B4GALT5: variants seen among roughly 807,000 people sequenced by gnomAD.
B4GALT5 encodes UDP-Gal:beta-GlcNAc beta-1,4-galactosyltransferase 5.
Under a neutral mutation model 45.0 loss-of-function variants are expected in B4GALT5, and 11 were observed. The ratio of observed to expected loss-of-function variants is 0.24; its 90% CI spans 0.15 to 0.40. B4GALT5 has a LOEUF of 0.40. B4GALT5 is among the 10% of genes least tolerant of loss of function. The pLI is 1.00. For missense variants in B4GALT5, 337 were observed against 500.2 expected (o/e 0.67, Z 3.11); for synonymous variants, 185 against 182.9 (o/e 1.01, Z -0.09).
At chr20:49,690,006 A>G (rs1237848553) in intron 1 of B4GALT5, among the ~76,000 whole-genome samples, 1 of 151,796 alleles carries the variant, frequency 6.6e-6, no homozygotes, top group East Asian at 1.9e-4. Flanking sequence ...TGTTGTTGTT[A>G]TTTGTTTGTT....
intron 1 of B4GALT5, among the ~76,000 whole-genome samples, chr20:49,667,342 C>A (rs542210879): frequency 6.6e-6 from 1 of 151,794 alleles, no homozygotes; most frequent in Non-Finnish European, 1.5e-5. Context: ...CTGCGCCCCC[C>A]AGGGGTTCAC....
chr20:49,651,054 C>T (rs966062039), intron 2 of B4GALT5, among the ~76,000 whole-genome samples: 10 of 152,142 alleles, frequency 6.6e-5, no homozygotes, highest in African/African-American at 1.9e-4. Flanking sequence ...GAGGCCAAGG[C>T]GGATGGATCA....
In B4GALT5 at chr20:49,674,081, C is replaced by CAAA. The variant is rs34718276; in HGVS notation, c.116-17382_116-17380dup. 2.4e-3 allele frequency among the ~76,000 whole-genome samples: 231 copies of CAAA among 94,512 alleles called. 1 individual carries two copies. The highest frequency in any genetic ancestry group is 5.7e-3 in the Middle Eastern group (1 of 174). 62.0% of individuals were successfully genotyped at this position (94,512 alleles called of 152,430 possible). On this transcript the variant is annotated intron_variant, in intron 1 of 8. Coordinates refer to ENST00000371711, the MANE Select transcript of B4GALT5 (RefSeq NM_004776.4). ...TGAAATCCCATCTCTATTAAAAATA[C>CAAA]AAAAAAAAAAAAAAAAAAAAAAAAA...
At chr20:49,675,880 T>C (rs1401307258) in intron 1 of B4GALT5, among the ~76,000 whole-genome samples, 1 of 152,170 alleles carries the variant, frequency 6.6e-6, no homozygotes, top group Non-Finnish European at 1.5e-5. Context: ...TTCAACAAGC[T>C]AGCAAATCAT....
chr20:49,653,193 C>T (rs1029992499), intron 2 of B4GALT5, among the ~76,000 whole-genome samples: 7 of 152,054 alleles, frequency 4.6e-5, no homozygotes, highest in South Asian at 2.1e-4. Context: ...TCTAAAAATC[C>T]GAAATCTGCA....
intron 1 of B4GALT5, among the ~76,000 whole-genome samples, chr20:49,707,870 T>C (rs2085891004): frequency 6.6e-6 from 1 of 151,800 alleles, no homozygotes; most frequent in Non-Finnish European, 1.5e-5. Context: ...CATCTTGGCT[T>C]CCCAGAGTGC....
intron 1 of B4GALT5, among the ~76,000 whole-genome samples, chr20:49,689,283 A>T (rs552070902): frequency 1.3e-5 from 2 of 152,292 alleles, no homozygotes; most frequent in African/African-American, 4.8e-5. Flanking sequence ...GATAAGAGAG[A>T]TCCTTAACAT....
intron 1 of B4GALT5, among the ~76,000 whole-genome samples, chr20:49,668,109 T>C (rs565149322): frequency 1.1e-4 from 17 of 152,252 alleles, no homozygotes; most frequent in Non-Finnish European, 1.9e-4. Context: ...AAAAAATATT[T>C]TGGGGGAAAA....
chr20:49,710,040 T>A (rs1015287134), intron 1 of B4GALT5, among the ~76,000 whole-genome samples: 1 of 152,206 alleles, frequency 6.6e-6, no homozygotes, highest in Non-Finnish European at 1.5e-5. Context: ...AGTTAATGGT[T>A]AGGCTGAAAT....
chr20:49,702,170 G>A lies in B4GALT5; in HGVS notation c.115+11406C>T, dbSNP rs951383248. 2.0e-5 allele frequency among the ~76,000 whole-genome samples: 3 copies of A among 152,052 alleles called. No individual in the cohort carries two copies. In the East Asian group the frequency reaches 5.8e-4, roughly 29 times the overall value. On this transcript the variant is annotated intron_variant, in intron 1 of 8. Coordinates refer to ENST00000371711, the MANE Select transcript of B4GALT5 (RefSeq NM_004776.4). ...TATGGCAAAAAATAAATCCCGTGTCGCCTGCCGAATCCGAATCTAAATAAA... is the reference window on the plus strand; with the variant it reads ...TATGGCAAAAAATAAATCCCGTGTCACCTGCCGAATCCGAATCTAAATAAA...
intron 1 of B4GALT5, among the ~76,000 whole-genome samples, chr20:49,710,999 C>A (rs1341507021): frequency 2.0e-5 from 3 of 151,626 alleles, no homozygotes; most frequent in Non-Finnish European, 4.4e-5. Context: ...AGGAGGATCC[C>A]TTGTGCCCAG....
At chr20:49,693,702 A>C (rs1293576385) in intron 1 of B4GALT5, among the ~76,000 whole-genome samples, 1 of 152,186 alleles carries the variant, frequency 6.6e-6, no homozygotes, top group Non-Finnish European at 1.5e-5. Flanking sequence ...GACATTTTCC[A>C]AAAGCCTGCT....
chr20:49,684,583 T>C, intron 1 of B4GALT5: 1 of 518,710 alleles, frequency 1.9e-6, no homozygotes, highest in Non-Finnish European at 3.8e-6. Flanking sequence ...AGTTGGTCCC[T>C]GAACTGAAAG....
At position 49,711,076 on chromosome 20, in the gene B4GALT5, C is replaced by CA. The variant is rs5841766; in HGVS notation, c.115+2499dup. Among the ~76,000 whole-genome samples, 961 of 131,902 alleles carry CA rather than the reference C, an allele frequency of 7.3e-3. 5 individuals carry two copies. The highest frequency in any genetic ancestry group is 0.018 in the African/African-American group (628 of 34,902). 86.5% of individuals were successfully genotyped at this position (131,902 alleles called of 152,430 possible). On this transcript the variant is annotated intron_variant, in intron 1 of 8. Transcript: ENST00000371711. ...AGCCTGGGCAACAGAGACTCTCTAT[C>CA]AAAAAAAAAAAAAAAAAATTAGTAG... is the stretch of plus-strand genomic sequence containing the variant.
intron 1 of B4GALT5, among the ~76,000 whole-genome samples, chr20:49,712,924 G>A (rs564311816): frequency 6.6e-6 from 1 of 151,700 alleles, no homozygotes; most frequent in African/African-American, 2.4e-5. Context: ...AAGGGGAAGG[G>A]GGGTGCCACC....
At chr20:49,638,540 TA>T (rs1364373610) in intron 7 of B4GALT5, among the ~76,000 whole-genome samples, 4 of 152,236 alleles carry the variant, frequency 2.6e-5, no homozygotes, top group African/African-American at 9.6e-5. Flanking sequence ...ATGGCGCAGC[TA>T]AATCTATGTA....
chr20:49,671,844 C>T (rs949550601), intron 1 of B4GALT5, among the ~76,000 whole-genome samples: 1 of 64,136 alleles, frequency 1.6e-5, no homozygotes, highest in Non-Finnish European at 3.5e-5. Flanking sequence ...GGGTCTTTTT[C>T]TTTTCATTTT....
At chr20:49,697,123 GC>G (rs2146357651) in intron 1 of B4GALT5, among the ~76,000 whole-genome samples, 1 of 152,318 alleles carries the variant, frequency 6.6e-6, no homozygotes, top group African/African-American at 2.4e-5. Context: ...ACCCTTCTAA[GC>G]TTTGCAGTGG....
chr20:49,648,694 T>A (rs2123006803), intron 2 of B4GALT5, among the ~76,000 whole-genome samples: 1 of 152,292 alleles, frequency 6.6e-6, no homozygotes, highest in South Asian at 2.1e-4. Flanking sequence ...CCCTTTAGAG[T>A]CACGTTAGTG....
Sources: allele counts gnomAD v4.1 joint callset (sites outside exome capture counted in the v4.1 genomes callset), GRCh38; gene constraint gnomAD v4.1.1; transcripts MANE v1.5; gene names NCBI Gene and HGNC (gene_info 2026-07-23, HGNC 2026-07-21).